Variants in PIK3CD observed in about 807,000 individuals in gnomAD.
PIK3CD encodes phosphatidylinositol-4,5-bisphosphate 3-kinase catalytic subunit delta.
PIK3CD carries 20 observed loss-of-function variants against 122.9 expected under a neutral mutation model. The ratio of observed to expected loss-of-function variants is 0.16; its 90% CI spans 0.11 to 0.24. The LOEUF (loss-of-function observed/expected upper bound fraction) is 0.24. Among genes scored for constraint, PIK3CD ranks in the 10% least tolerant of loss-of-function variants. The pLI, the probability that PIK3CD is intolerant of heterozygous loss-of-function variation, is 1.00. For missense variants in PIK3CD, 787 were observed against 1,406.3 expected, an observed-to-expected ratio of 0.56 and a Z score of 7.04; for synonymous variants, 596 against 593.4, an observed-to-expected ratio of 1.00 and a Z score of -0.06.
chr1:9,638,015 G>A, the PIK3CD span, among the ~76,000 whole-genome samples: 574 of 152,186 alleles, frequency 3.8e-3, 3 homozygotes, highest in African/African-American at 0.013. Context: ...GCAGAGGCAG[G>A]AGAATTGCTT....
At chr1:9,708,397 G>C (rs539244548) in intron 2 of PIK3CD, among the ~76,000 whole-genome samples, 1 of 151,904 alleles carries the variant, frequency 6.6e-6, no homozygotes, top group East Asian at 2.0e-4. Flanking sequence ...GGCCAGGCTG[G>C]TCTCGAACTC....
chr1:9,667,737 T>G (rs2100934509), intron 1 of PIK3CD, among the ~76,000 whole-genome samples: 1 of 148,694 alleles, frequency 6.7e-6, no homozygotes, highest in East Asian at 2.0e-4. Flanking sequence ...TCTTTTCTTT[T>G]TCTTTTTTTT....
chr1:9,642,004 T>C, the PIK3CD span, among the ~76,000 whole-genome samples: 4,039 of 152,218 alleles, frequency 0.027, 133 homozygotes, highest in African/African-American at 0.07. Context: ...TTCACACACA[T>C]TCACACCTAG....
At chr1:9,633,120 C>T in the PIK3CD span, among the ~76,000 whole-genome samples, 14 of 152,196 alleles carry the variant, frequency 9.2e-5, no homozygotes, top group South Asian at 2.9e-3. Context: ...CTCGGCCTCC[C>T]ATAGTGCTGG....
intron 1 of PIK3CD, among the ~76,000 whole-genome samples, chr1:9,691,145 C>T (rs979956361): frequency 3.9e-5 from 6 of 152,312 alleles, no homozygotes; most frequent in Non-Finnish European, 5.9e-5. Context: ...TGGCTCAGAT[C>T]AATTACTTTG....
At chr1:9,675,201 C>T (rs1338327830) in intron 1 of PIK3CD, among the ~76,000 whole-genome samples, 4 of 150,658 alleles carry the variant, frequency 2.7e-5, no homozygotes, top group Non-Finnish European at 4.4e-5. Context: ...CTGGCTAACA[C>T]GGTGAAACCC....
chr1:9,698,034 AAAG>A (rs767488755), intron 2 of PIK3CD, among the ~76,000 whole-genome samples: 4 of 152,202 alleles, frequency 2.6e-5, no homozygotes, highest in South Asian at 2.1e-4. Flanking sequence ...TTGTCTCAAA[AAAG>A]AAGAAGAAGA....
At chr1:9,692,557 T>C (rs550371529) in intron 2 of PIK3CD, among the ~76,000 whole-genome samples, 18 of 150,958 alleles carry the variant, frequency 1.2e-4, no homozygotes, top group South Asian at 1.1e-3. Flanking sequence ...GGTGAAACCC[T>C]GTCTCTACTA....
intron 1 of PIK3CD, chr1:9,654,594 A>G: frequency 5.2e-6 from 2 of 384,152 alleles, no homozygotes; most frequent in Non-Finnish European, 1.0e-5. Context: ...TGCACAGTGA[A>G]AGGGAGAAGT....
Position 9,718,829 on chromosome 1 carries a change from C to A in PIK3CD, c.1156C>A (p.Arg386Ser). ...CGACATCAACATCTGCGACCTGCCCCGCATGGCCCGTCTCTGCTTTGCGCT... is the reference window on the plus strand; with the variant it reads ...CGACATCAACATCTGCGACCTGCCCAGCATGGCCCGTCTCTGCTTTGCGCT... Reference protein sequence around the residue: ...EFDINICDLPRMARLCFALYA... With the variant: ...EFDINICDLPSMARLCFALYA... The change falls in exon 9 of 24, where the codon CGC becomes AGC. Residue 386 changes from arginine to serine, a missense_variant. Arg to Ser is a moderately radical substitution (Grantham distance 110). Transcript: ENST00000377346. This position sits in a 1 kb window ranked among gnomAD's most constrained non-coding sequence, Gnocchi z 7.2. 1.2e-6 allele frequency: 2 copies of A among 1,612,868 alleles called. No individual in the cohort carries two copies. The highest frequency in any genetic ancestry group is 8.5e-7 in the Non-Finnish European group (1 of 1,180,014).
intron 2 of PIK3CD, among the ~76,000 whole-genome samples, chr1:9,698,109 A>G (rs1183167012): frequency 6.6e-6 from 1 of 152,200 alleles, no homozygotes; most frequent in Non-Finnish European, 1.5e-5. Flanking sequence ...TAAAGTTATT[A>G]TGACATCCAT....
Position 9,717,056 on chromosome 1 carries a change from C to A in PIK3CD, c.878C>A (p.Ala293Asp), listed in dbSNP as rs765061150. 1.2e-6 allele frequency: 2 copies of A among 1,613,846 alleles called. No homozygotes were observed. Among genetic ancestry groups the A allele is most frequent in the South Asian group, 2.2e-5 (2 of 91,092 alleles). The change falls in exon 7 of 24, where the codon GCC becomes GAC. Residue 293 changes from alanine (A) to aspartate (D), a missense_variant. This residue lies in a region of PIK3CD where 592 missense variants were observed against 920.6 expected (regional missense o/e 0.64). Transcript: ENST00000377346. This position sits in a 1 kb window ranked among gnomAD's most constrained non-coding sequence, Gnocchi z 5.4. ...LAMRDEQSNP[A>D]PQVQKPRAKP... Reference sequence around the variant, plus strand: ...ATGCGGGATGAGCAGAGCAACCCTGCCCCCCAGGTCCAGAAACCGCGTGCC... The same window carrying A: ...ATGCGGGATGAGCAGAGCAACCCTGACCCCCAGGTCCAGAAACCGCGTGCC...
chr1:9,677,604 C>T (rs564078320), intron 1 of PIK3CD, among the ~76,000 whole-genome samples: 8 of 145,744 alleles, frequency 5.5e-5, no homozygotes, highest in South Asian at 4.3e-4. Flanking sequence ...AAGATGGTGC[C>T]ACTGCATTCC....
Position 9,720,268 on chromosome 1 carries a change from G to A in PIK3CD, c.1470+26G>A, listed in dbSNP as rs1367791827. ...GTCAGTGGGGGCCCCGCCGCGTGAGGCTGAGGGGCTGGCGCGGAGCTCTCC... is the reference window on the plus strand; with the variant it reads ...GTCAGTGGGGGCCCCGCCGCGTGAGACTGAGGGGCTGGCGCGGAGCTCTCC... On this transcript the variant is annotated intron_variant, in intron 11 of 23. Transcript: ENST00000377346. This position sits in a 1 kb window ranked among gnomAD's most constrained non-coding sequence, Gnocchi z 9.0. 6.3e-7 allele frequency: 1 copy of A among 1,594,978 alleles called. No individual in the cohort carries two copies. The highest frequency in any genetic ancestry group is 1.1e-5 in the South Asian group (1 of 89,914).
the PIK3CD span, among the ~76,000 whole-genome samples, chr1:9,634,160 T>G: frequency 7.4e-5 from 11 of 148,618 alleles, no homozygotes; most frequent in Non-Finnish European, 1.2e-4. Context: ...TTTTTTTTTT[T>G]TTTTTTTTTT....
Position 9,727,349 on chromosome 1 carries a change from T to C in PIK3CD, c.*303T>C. Reference sequence around the variant, plus strand: ...TGGTGGATCTGGGCCCAGCAAAGACTGTTCTCCTCCCGAGGGAACCTTCTT... The same window carrying C: ...TGGTGGATCTGGGCCCAGCAAAGACCGTTCTCCTCCCGAGGGAACCTTCTT... On this transcript the variant is annotated 3_prime_UTR_variant, in exon 24 of 24. Coordinates refer to ENST00000377346, the MANE Select transcript of PIK3CD (RefSeq NM_005026.5). 1 of 477,598 alleles carries C rather than the reference T, an allele frequency of 2.1e-6. No homozygotes were observed. The highest frequency in any genetic ancestry group is 2.1e-5 in the South Asian group (1 of 47,988). The allele number at this position is 477,598 out of a possible 1,614,324, so 29.6% of individuals were successfully genotyped here. A position where few individuals can be genotyped will look rare whatever the true frequency, so the allele number is the denominator to read the frequency against.
chr1:9,720,461 C>T lies in PIK3CD; in HGVS notation c.1471-150C>T, dbSNP rs750463470. The T allele has an allele frequency of 1.9e-5, 28 of 1,460,588 alleles. No homozygotes were observed. The highest frequency in any genetic ancestry group is 1.5e-4 in the South Asian group (11 of 74,784). 90.5% of individuals were successfully genotyped at this position (1,460,588 alleles called of 1,614,324 possible). On this transcript the variant is annotated intron_variant, in intron 11 of 23. Transcript: ENST00000377346. The surrounding 1 kb of genome is among the most constrained non-coding windows in gnomAD (Gnocchi z 9.0). Reference sequence around the variant, plus strand: ...GCCAGGAGGGATGCTCTTGGCATCTCGTGAGTGGAGGCCAGAGCTGCTGTG... The same window carrying T: ...GCCAGGAGGGATGCTCTTGGCATCTTGTGAGTGGAGGCCAGAGCTGCTGTG...
chr1:9,719,960 T>C lies in PIK3CD; in HGVS notation c.1282T>C (p.Tyr428His). 1 of 1,613,786 alleles carries C rather than the reference T, an allele frequency of 6.2e-7. No individual in the cohort carries two copies. ...CTGGGCCAACCTCATGCTGTTTGAC[T>C]ACAAGGACCAGCTTAAGACCGGGGA... The part of the protein sequence containing the change: ...IAWANLMLFD[Y>H]KDQLKTGERC... The change falls in exon 10 of 24, where the codon TAC becomes CAC. Residue 428 changes from tyrosine to histidine, a missense_variant. This residue lies in a region of PIK3CD where 592 missense variants were observed against 920.6 expected (regional missense o/e 0.64). Coordinates refer to ENST00000377346, the MANE Select transcript of PIK3CD (RefSeq NM_005026.5). The surrounding 1 kb of genome is among the most constrained non-coding windows in gnomAD (Gnocchi z 5.5).
chr1:9,664,957 C>T (rs1170667510), intron 1 of PIK3CD, among the ~76,000 whole-genome samples: 1 of 152,046 alleles, frequency 6.6e-6, no homozygotes, highest in Non-Finnish European at 1.5e-5. Context: ...GATCCTAGCA[C>T]ACTGGGAGGC....
Sources: gnomAD v4.1 joint callset for allele counts (sites outside exome capture counted in the v4.1 genomes callset) on GRCh38, gnomAD v4.1.1 for gene constraint, gnomAD v4.1.1 regional missense constraint, Gnocchi (gnomAD v3.1) non-coding constraint, MANE v1.5 for transcripts, NCBI Gene and HGNC (gene_info 2026-07-23, HGNC 2026-07-21) for gene names.